Variants in STAT3 observed in about 807,000 individuals in gnomAD.
The protein encoded by STAT3 is signal transducer and activator of transcription 3.
In STAT3, 7 loss-of-function variants were observed where a neutral mutation model predicts 114.3. The observed-to-expected ratio is 0.06, with a 90% CI of 0.03 to 0.11. The LOEUF (loss-of-function observed/expected upper bound fraction) is 0.11, where lower values mean the gene tolerates loss of function less well. Ranked by LOEUF, STAT3 falls within the 10% of genes least tolerant of loss-of-function variation. STAT3 has a pLI of 1.00. For synonymous variants in STAT3, 331 were observed against 354.5 expected, an observed-to-expected ratio of 0.93 and a Z score of 0.74; for missense variants, 364 against 960.9, an observed-to-expected ratio of 0.38 and a Z score of 8.21.
chr17:42,344,612 G>A (rs560198869), intron 4 of STAT3, among the ~76,000 whole-genome samples: 18 of 151,690 alleles, frequency 1.2e-4, no homozygotes, highest in African/African-American at 1.7e-4. Context: ...CCAGCTAGTC[G>A]GGAGGCTGAG....
At chr17:42,339,272 AT>A (rs774578720) in intron 5 of STAT3, 41 bp downstream of exon 5, 3 of 1,574,590 alleles carry the variant, frequency 1.9e-6, no homozygotes, top group African/African-American at 1.4e-5. Flanking sequence ...AAAAAAAAAA[AT>A]TAATGAAAGC....
intron 14 of STAT3, among the ~76,000 whole-genome samples, chr17:42,328,660 G>A (rs565848453): frequency 6.6e-5 from 10 of 152,280 alleles, no homozygotes; most frequent in African/African-American, 2.4e-4. Flanking sequence ...AGCCTGCCTT[G>A]GCATCCCAAA....
chr17:42,315,181 G>T lies in STAT3; in HGVS notation c.*564C>A. 1 of 235,444 alleles carries T rather than the reference G, an allele frequency of 4.2e-6. No homozygotes were observed. Among genetic ancestry groups the T allele is most frequent in the Non-Finnish European group, 8.4e-6 (1 of 118,696 alleles). 14.6% of individuals were successfully genotyped at this position (235,444 alleles called of 1,614,324 possible). A position where few individuals can be genotyped will look rare whatever the true frequency, so the allele number is the denominator to read the frequency against. On this transcript the variant is annotated 3_prime_UTR_variant, in exon 24 of 24. Transcript: ENST00000264657. The stretch of plus-strand genomic sequence containing the variant: ...GCTTAAGTTTCTTAAATACAGAAAG[G>T]CTATGCTGATACAGTGTTTTTTGCC...
In STAT3 at chr17:42,337,666, G is replaced by A; in HGVS notation, c.646-80C>T. 1 of 1,613,770 alleles carries A rather than the reference G, an allele frequency of 6.2e-7. No individual in the cohort carries two copies. The highest frequency in any genetic ancestry group is 8.5e-7 in the Non-Finnish European group (1 of 1,179,756). ...ACATTCTTTAGTCAACTCCAGAGCA[G>A]GAACTTCTTAGAAACCAAGCAAGTT... is the stretch of plus-strand genomic sequence containing the variant. On this transcript the variant is annotated intron_variant, in intron 7 of 23. Coordinates refer to ENST00000264657, the MANE Select transcript of STAT3 (RefSeq NM_139276.3). The surrounding 1 kb of genome is among the most constrained non-coding windows in gnomAD (Gnocchi z 4.0).
At chr17:42,318,687 G>C (rs1049126194) in intron 21 of STAT3, among the ~76,000 whole-genome samples, 1 of 152,158 alleles carries the variant, frequency 6.6e-6, no homozygotes, top group African/African-American at 2.4e-5. Flanking sequence ...GGTGGGCTGA[G>C]AACAGCACGG....
intron 10 of STAT3, among the ~76,000 whole-genome samples, chr17:42,332,196 G>T (rs147611332): frequency 1.3e-5 from 2 of 150,908 alleles, no homozygotes; most frequent in African/African-American, 4.9e-5. Context: ...CAAAGTGCTG[G>T]GATTACAGGC....
At chr17:42,347,102 C>T (rs2082732007) in intron 2 of STAT3, among the ~76,000 whole-genome samples, 1 of 148,788 alleles carries the variant, frequency 6.7e-6, no homozygotes, top group Admixed American at 6.8e-5. Context: ...GCGGGAGAAT[C>T]GCTTGAATCC....
Position 42,324,814 on chromosome 17 carries a change from T to G in STAT3, c.1497A>C (p.Gly499=). 1 of 1,614,130 alleles carries G rather than the reference T, an allele frequency of 6.2e-7. No homozygotes were observed. Among genetic ancestry groups the G allele is most frequent in the Non-Finnish European group, 8.5e-7 (1 of 1,180,030 alleles). ...NVNFFTKPPI[G]TWDQVAEVLS... ...GGACCTCGGCCACTTGATCCCAGGT[T>G]CCAATTGGGGGCTTGGTAAAAAAGT... Residue 499 remains glycine, a synonymous_variant, in exon 17 of 24, where the codon GGA becomes GGC. Coordinates refer to ENST00000264657, the MANE Select transcript of STAT3 (RefSeq NM_139276.3). The surrounding 1 kb of genome is among the most constrained non-coding windows in gnomAD (Gnocchi z 4.5).
chr17:42,361,820 C>T (rs561605792), intron 1 of STAT3, among the ~76,000 whole-genome samples: 2 of 152,230 alleles, frequency 1.3e-5, no homozygotes, highest in Admixed American at 6.5e-5. Context: ...CTTTGAAAAG[C>T]TTTAAACAGA....
At chr17:42,316,162 T>G in intron 23 of STAT3, 1 of 986,650 alleles carries the variant, frequency 1.0e-6, no homozygotes, top group African/African-American at 1.7e-5. Flanking sequence ...GCTGTGGCTG[T>G]CAAAAGCCCA....
chr17:42,334,963 A>G (rs963114625), intron 8 of STAT3, among the ~76,000 whole-genome samples: 5 of 152,198 alleles, frequency 3.3e-5, no homozygotes, highest in Non-Finnish European at 7.3e-5. Flanking sequence ...TATGAACATA[A>G]AGACTCAGAA....
At chr17:42,383,607 T>C (rs1473489277) in intron 1 of STAT3, among the ~76,000 whole-genome samples, 2 of 152,220 alleles carry the variant, frequency 1.3e-5, no homozygotes, top group Non-Finnish European at 2.9e-5. Context: ...CGCTTACGTC[T>C]TGTAAGCCAA....
chr17:42,365,167 A>C (rs1391755299), intron 1 of STAT3, among the ~76,000 whole-genome samples: 1 of 152,166 alleles, frequency 6.6e-6, no homozygotes, highest in Non-Finnish European at 1.5e-5. Context: ...GCATGCTGAA[A>C]GCGGCGAGAT....
At chr17:42,370,011 G>A (rs1043729232) in intron 1 of STAT3, among the ~76,000 whole-genome samples, 2 of 151,896 alleles carry the variant, frequency 1.3e-5, no homozygotes, top group Non-Finnish European at 2.9e-5. Flanking sequence ...TTGCTCTGTC[G>A]CCCAGACTAG....
chr17:42,367,491 A>C (rs947367075), intron 1 of STAT3, among the ~76,000 whole-genome samples: 1 of 151,984 alleles, frequency 6.6e-6, no homozygotes, highest in Non-Finnish European at 1.5e-5. Flanking sequence ...CCCCTTGCTC[A>C]CAGCTGTCCC....
rs369474294 is a variant in STAT3, at chr17:42,329,550, A to G, written c.1233+4T>C. 3 of 1,614,222 alleles carry G rather than the reference A, an allele frequency of 1.9e-6. No homozygotes were observed. The highest frequency in any genetic ancestry group is 2.5e-6 in the Non-Finnish European group (3 of 1,180,044). ...CTTTGTGAAGGGGAGCTCCTCCCAC[A>G]TACCAAGTGTTTGAATTCTGCAGAG... On this transcript the variant is annotated splice_donor_region_variant and intron_variant, in intron 13 of 23. Coordinates refer to ENST00000264657, the MANE Select transcript of STAT3 (RefSeq NM_139276.3).
intron 18 of STAT3, 35 bp from the exon 19 acceptor site, chr17:42,323,389 T>A: frequency 6.2e-7 from 1 of 1,609,568 alleles, no homozygotes; most frequent in Non-Finnish European, 8.5e-7. Flanking sequence ...CCAAGTCTAC[T>A]GCCATCCCAG....
At chr17:42,356,176 A>T (rs2083216489) in intron 1 of STAT3, among the ~76,000 whole-genome samples, 1 of 152,228 alleles carries the variant, frequency 6.6e-6, no homozygotes, top group South Asian at 2.1e-4. Flanking sequence ...TATAGGAACC[A>T]GTCCTTTTAA....
intron 4 of STAT3, among the ~76,000 whole-genome samples, chr17:42,339,999 G>A (rs751510827): frequency 2.6e-5 from 4 of 151,970 alleles, no homozygotes; most frequent in Non-Finnish European, 4.4e-5. Context: ...GCCCCATCTC[G>A]AATGAATAAA....
Sources: allele counts gnomAD v4.1 joint callset (sites outside exome capture counted in the v4.1 genomes callset), GRCh38; gene constraint gnomAD v4.1.1; non-coding constraint Gnocchi (gnomAD v3.1); transcripts MANE v1.5; gene names NCBI Gene and HGNC (gene_info 2026-07-23, HGNC 2026-07-21).